PSMD1: variants seen among roughly 807,000 people sequenced by gnomAD.
The protein encoded by PSMD1 is proteasome 26S subunit, non-ATPase 1, also known as 26S proteasome non-ATPase regulatory subunit 1.
PSMD1 carries 18 observed loss-of-function variants against 119.0 expected under a neutral mutation model. That is an observed-to-expected ratio of 0.15 (90% CI 0.10 to 0.22). The LOEUF (loss-of-function observed/expected upper bound fraction) is 0.22, where lower values mean the gene tolerates loss of function less well. Among genes scored for constraint, PSMD1 ranks in the 10% least tolerant of loss-of-function variants. The pLI, the probability that PSMD1 is intolerant of heterozygous loss-of-function variation, is 1.00. For missense variants in PSMD1, 702 were observed against 1,158.5 expected, an observed-to-expected ratio of 0.61 and a Z score of 5.72; for synonymous variants, 374 against 396.6, an observed-to-expected ratio of 0.94 and a Z score of 0.68.
At chr2:231,143,155 C>T (rs1428243751) in intron 17 of PSMD1, among the ~76,000 whole-genome samples, 1 of 150,842 alleles carries the variant, frequency 6.6e-6, no homozygotes, top group Admixed American at 6.6e-5. Flanking sequence ...TTTTTTAACT[C>T]TAATCTCAAT....
intron 23 of PSMD1, among the ~76,000 whole-genome samples, chr2:231,169,041 G>A: frequency 6.6e-6 from 1 of 152,156 alleles, no homozygotes; most frequent in Non-Finnish European, 1.5e-5. Context: ...TATATCTTAT[G>A]CATAGAGGGT....
intron 16 of PSMD1, chr2:231,109,063 T>G (rs1695064009): frequency 6.2e-7 from 1 of 1,614,104 alleles, no homozygotes; most frequent in South Asian, 1.1e-5. Context: ...TTCGCATAAG[T>G]GTTTCATCAC....
chr2:231,066,173 T>G (rs1693907362), intron 4 of PSMD1, among the ~76,000 whole-genome samples: 1 of 152,234 alleles, frequency 6.6e-6, no homozygotes, highest in Non-Finnish European at 1.5e-5. Flanking sequence ...CAGAATGTAT[T>G]ACTGTCATTA....
At chr2:231,086,870 A>T (rs1694463107) in intron 15 of PSMD1, among the ~76,000 whole-genome samples, 1 of 152,152 alleles carries the variant, frequency 6.6e-6, no homozygotes, top group African/African-American at 2.4e-5. Flanking sequence ...TGAGCCCCAG[A>T]AGTTTGAGAC....
At chr2:231,057,439 A>G (rs1027421896) in intron 1 of PSMD1, among the ~76,000 whole-genome samples, 28 of 152,214 alleles carry the variant, frequency 1.8e-4, no homozygotes, top group Admixed American at 2.6e-4. Flanking sequence ...ATTGAACAGT[A>G]AGGCAAACCC....
At chr2:231,072,052 G>A in intron 6 of PSMD1, 137 bp from the exon 7 acceptor site, 2 of 661,880 alleles carry the variant, frequency 3.0e-6, no homozygotes, top group Non-Finnish European at 5.2e-6. Flanking sequence ...TAGAAATAGA[G>A]TGCTAGACTG....
At chr2:231,094,719 G>T (rs1694685719) in intron 16 of PSMD1, among the ~76,000 whole-genome samples, 1 of 152,158 alleles carries the variant, frequency 6.6e-6, no homozygotes, top group Non-Finnish European at 1.5e-5. Flanking sequence ...ATGGGGGAGT[G>T]AACTACTTTT....
chr2:231,100,123 C>T (rs1413027950), intron 16 of PSMD1, among the ~76,000 whole-genome samples: 1 of 152,174 alleles, frequency 6.6e-6, no homozygotes, highest in Non-Finnish European at 1.5e-5. Context: ...AACCAGAGAC[C>T]ATCCCGGGAG....
chr2:231,139,573 A>AAAG lies in PSMD1; in HGVS notation c.1998+741_1998+743dup, dbSNP rs547387717. Among the ~76,000 whole-genome samples the AAAG allele has an allele frequency of 9.0e-5, 13 of 144,488 alleles. 1 individual carries two copies. Among genetic ancestry groups the AAAG allele is most frequent in the South Asian group, 4.2e-4 (2 of 4,732 alleles). 94.8% of individuals were successfully genotyped at this position (144,488 alleles called of 152,430 possible). A position where few individuals can be genotyped will look rare whatever the true frequency, so the allele number is the denominator to read the frequency against. On this transcript the variant is annotated intron_variant, in intron 17 of 24. Coordinates refer to ENST00000308696, the MANE Select transcript of PSMD1 (RefSeq NM_002807.4). ...ATTGATTTCTTAAAAAAAAAAAAAA[A>AAAG]AAGAAGAAGAAGAAGAAGAAAATAA...
At chr2:231,159,242 A>T (rs954824167) in intron 19 of PSMD1, among the ~76,000 whole-genome samples, 1 of 152,222 alleles carries the variant, frequency 6.6e-6, no homozygotes, top group Admixed American at 6.5e-5. Flanking sequence ...TTGCATTTCA[A>T]AGTTCTGTGA....
At chr2:231,090,506 C>A (rs1474060908) in intron 16 of PSMD1, among the ~76,000 whole-genome samples, 1 of 152,176 alleles carries the variant, frequency 6.6e-6, no homozygotes, top group Non-Finnish European at 1.5e-5. Context: ...TTGCAGTGAG[C>A]TGAGATCACA....
At chr2:231,164,234 A>G (rs1696705428) in intron 21 of PSMD1, among the ~76,000 whole-genome samples, 1 of 152,186 alleles carries the variant, frequency 6.6e-6, no homozygotes, top group Non-Finnish European at 1.5e-5. Context: ...GCACTGTGTG[A>G]GTATATCTGT....
At chr2:231,060,970 G>A (rs893748251) in intron 1 of PSMD1, among the ~76,000 whole-genome samples, 1 of 152,164 alleles carries the variant, frequency 6.6e-6, no homozygotes, top group Admixed American at 6.5e-5. Context: ...GAATGGGGCC[G>A]AGAATGTGTA....
intron 19 of PSMD1, 34 bp from the exon 20 acceptor site, chr2:231,161,306 T>G (rs1457538774): frequency 6.5e-7 from 1 of 1,528,514 alleles, no homozygotes; most frequent in Middle Eastern, 1.7e-4. Flanking sequence ...AGGACAATAC[T>G]ATTATTGTTC....
chr2:231,144,504 C>T (rs1443375526), intron 17 of PSMD1, among the ~76,000 whole-genome samples: 1 of 140,524 alleles, frequency 7.1e-6, no homozygotes, highest in Non-Finnish European at 1.5e-5. Flanking sequence ...ATCACGATCT[C>T]CTGACCTCAG....
chr2:231,093,915 A>T (rs1694662029), intron 16 of PSMD1, among the ~76,000 whole-genome samples: 1 of 152,194 alleles, frequency 6.6e-6, no homozygotes, highest in Non-Finnish European at 1.5e-5. Flanking sequence ...GACCATTATC[A>T]GTTTTAATTT....
intron 19 of PSMD1, among the ~76,000 whole-genome samples, chr2:231,154,330 A>G (rs964116182): frequency 1.3e-5 from 2 of 152,146 alleles, no homozygotes; most frequent in Non-Finnish European, 2.9e-5. Context: ...GCTACTCAGG[A>G]GGCTGAGGCA....
At chr2:231,064,522 G>T (rs548633864) in intron 4 of PSMD1, among the ~76,000 whole-genome samples, 1 of 152,290 alleles carries the variant, frequency 6.6e-6, no homozygotes, top group South Asian at 2.1e-4. Context: ...TTCTAATTTT[G>T]AGGTTCCTCT....
At chr2:231,156,087 T>C (rs1696499537) in intron 19 of PSMD1, among the ~76,000 whole-genome samples, 1 of 152,172 alleles carries the variant, frequency 6.6e-6, no homozygotes, top group Non-Finnish European at 1.5e-5. Context: ...TTTAAATGGA[T>C]TCAGTGCCCA....
Sources: gnomAD v4.1 joint callset for allele counts (sites outside exome capture counted in the v4.1 genomes callset) on GRCh38, gnomAD v4.1.1 for gene constraint, MANE v1.5 for transcripts, NCBI Gene and HGNC (gene_info 2026-07-23, HGNC 2026-07-21) for gene names.